MATK: variants seen among roughly 807,000 people sequenced by gnomAD.
The protein encoded by MATK is megakaryocyte-associated tyrosine kinase.
Under a neutral mutation model 59.8 loss-of-function variants are expected in MATK, and 41 were observed. That is an observed-to-expected ratio of 0.69 (90% confidence interval 0.53 to 0.89). The LOEUF is 0.89. Ranked by LOEUF, MATK falls within the 40% of genes least tolerant of loss-of-function variation. The probability of loss-of-function intolerance (pLI) is 0.00; values close to 1 mark genes in which losing one functional copy is unlikely to be tolerated. For synonymous variants in MATK, 308 were observed against 306.1 expected, an observed-to-expected ratio of 1.01 and a Z score of -0.06; for missense variants, 593 against 719.6, an observed-to-expected ratio of 0.82 and a Z score of 2.01.
chr19:3,800,220 A>C (rs1395997316), intron 1 of MATK, among the ~76,000 whole-genome samples: 1 of 152,216 alleles, frequency 6.6e-6, no homozygotes. Context: ...TAAATTAGAT[A>C]ATAAGCACAC....
intron 1 of MATK, among the ~76,000 whole-genome samples, chr19:3,795,910 C>T (rs1043460064): frequency 4.0e-5 from 6 of 151,662 alleles, no homozygotes; most frequent in Middle Eastern, 3.4e-3. Context: ...TACAGGCACG[C>T]GCCATCACGC....
intron 1 of MATK, among the ~76,000 whole-genome samples, chr19:3,798,677 ATTT>A (rs36103363): frequency 1.4e-5 from 2 of 144,488 alleles, no homozygotes; most frequent in African/African-American, 5.1e-5. Context: ...AGCCTGGCTA[ATTT>A]TTTTTTTTTT....
upstream of MATK, chr19:3,786,419 TCCCCG>T: frequency 1.0e-6 from 1 of 955,144 alleles, no homozygotes. This position sits in a 1 kb window ranked among gnomAD's most constrained non-coding sequence, Gnocchi z 4.1. Context: ...CGCCGGCCCC[TCCCCG>T]CCCCGCCTCC....
rs1359638320 is a variant in MATK at position 3,778,258 on chromosome 19, G to A, written c.1449C>T (p.Arg483=). Residue 483 remains arginine (R), a synonymous_variant, in exon 14 of 14, where the codon CGC becomes CGT. Transcript: ENST00000310132. ...KLAEKLAREL[R]SAGAPASVSG... ...AGACGGAGGCTGGGGCACCTGCACT[G>A]CGTAGCTCCCGGGCCAGCTTCTCGG... is the stretch of plus-strand genomic sequence containing the variant. 1 of 1,575,764 alleles carries A rather than the reference G, an allele frequency of 6.3e-7. No individual in the cohort carries two copies. The highest frequency in any genetic ancestry group is 8.6e-7 in the Non-Finnish European group (1 of 1,168,692).
At chr19:3,779,884 G>A (rs866874739) in intron 8 of MATK, 87 bp from the exon 9 acceptor site, 69 of 818,906 alleles carry the variant, frequency 8.4e-5, no homozygotes, top group African/African-American at 6.7e-4. Context: ...CGCTCACACC[G>A]GTGCCCATGT....
intron 1 of MATK, among the ~76,000 whole-genome samples, chr19:3,791,590 G>A (rs992484289): frequency 9.9e-5 from 15 of 151,762 alleles, no homozygotes; most frequent in Admixed American, 3.3e-4. Flanking sequence ...CGATCTGCCC[G>A]CCTCGGCATC....
chr19:3,794,526 A>G (rs2037574446), intron 1 of MATK, among the ~76,000 whole-genome samples: 1 of 152,002 alleles, frequency 6.6e-6, no homozygotes, highest in Non-Finnish European at 1.5e-5. Flanking sequence ...GTGGTGGTGT[A>G]TGCCTGTAGT....
chr19:3,778,321 C>T lies in MATK; in HGVS notation c.1386G>A (p.Glu462=). The change falls in exon 14 of 14, where the codon GAG becomes GAA. Residue 462 remains glutamate (E), a synonymous_variant. Coordinates refer to ENST00000310132, the MANE Select transcript of MATK (RefSeq NM_139355.3). ...PVHVLMSSCW[E]AEPARRPPFR... ...AGGGTGGCCGGCGGGCGGGCTCTGC[C>T]TCCCAGCAGCTGCTCATGAGGACGT... The T allele has an allele frequency of 6.3e-7, 1 of 1,576,932 alleles. No individual in the cohort carries two copies. Among genetic ancestry groups the T allele is most frequent in the African/African-American group, 1.4e-5 (1 of 73,012 alleles).
chr19:3,789,160 C>T (rs2037517315), upstream of MATK: 2 of 608,740 alleles, frequency 3.3e-6, no homozygotes, highest in Non-Finnish European at 3.1e-6. Context: ...GTCCTTCTGT[C>T]ACAGTCACTG....
At chr19:3,786,447 G>A (rs1278761906), upstream of MATK, 3 of 966,698 alleles carry the variant, frequency 3.1e-6, no homozygotes, top group Non-Finnish European at 2.5e-6. This position sits in a 1 kb window ranked among gnomAD's most constrained non-coding sequence, Gnocchi z 4.1. Flanking sequence ...GGCCCCCGGC[G>A]CCTCCCGCGC....
chr19:3,801,283 T>TC (rs923436665), intron 1 of MATK, among the ~76,000 whole-genome samples: 14 of 152,002 alleles, frequency 9.2e-5, no homozygotes, highest in Non-Finnish European at 1.8e-4. Flanking sequence ...TAGGGAGGCA[T>TC]CCCGGGACAA....
In MATK at chr19:3,786,287, C is replaced by T. The variant is rs2037482993; in HGVS notation, c.-270G>A. On this transcript the variant is annotated 5_prime_UTR_variant, in exon 1 of 14. Coordinates refer to ENST00000310132, the MANE Select transcript of MATK (RefSeq NM_139355.3). The surrounding 1 kb of genome is among the most constrained non-coding windows in gnomAD (Gnocchi z 4.1). ...CAACTTGGAGCGAGTTGCTCCGTTT[C>T]CTCATTTTGGGGGCGAAGAAGGGTC... 4.1e-6 allele frequency: 4 copies of T among 985,018 alleles called. No individual in the cohort carries two copies. The highest frequency in any genetic ancestry group is 1.1e-4 in the East Asian group (1 of 8,806). The allele number at this position is 985,018 out of a possible 1,614,324, so 61.0% of individuals were successfully genotyped here.
chr19:3,784,980 G>T, intron 2 of MATK, 84 bp downstream of exon 2: 1 of 1,473,732 alleles, frequency 6.8e-7, no homozygotes, highest in Non-Finnish European at 9.5e-7. Flanking sequence ...CGATGGCTGG[G>T]CAGGCAGAGA....
In MATK at chr19:3,779,604, C is replaced by T. The variant is rs751873691; in HGVS notation, c.856G>A (p.Glu286Lys). ...ETAVMTKMQH[E>K]NLVRLLGVIL... ...ACGCCCAGGAGACGCACCAGGTTCT[C>T]GTGTTGCATCTTCCTGGGGGCGGTG... Residue 286 changes from glutamate (E) to lysine (K), a missense_variant, in exon 10 of 14, where the codon GAG (glutamate) becomes AAG (lysine). Coordinates refer to ENST00000310132, the MANE Select transcript of MATK (RefSeq NM_139355.3). 21 of 1,611,796 alleles carry T rather than the reference C, an allele frequency of 1.3e-5. No homozygotes were observed. The Admixed American group carries it at 2.3e-4, about 18-fold the overall frequency.
At chr19:3,791,287 C>G (rs1254402596), upstream of MATK, among the ~76,000 whole-genome samples, 1 of 152,024 alleles carries the variant, frequency 6.6e-6, no homozygotes, top group Non-Finnish European at 1.5e-5. Flanking sequence ...TCAGGCGGCA[C>G]CAGGCTTCTG....
At chr19:3,796,307 T>A (rs2037594070) in intron 1 of MATK, among the ~76,000 whole-genome samples, 1 of 152,132 alleles carries the variant, frequency 6.6e-6, no homozygotes, top group Admixed American at 6.6e-5. Context: ...TTTTCAGGTA[T>A]TTACCTCCAT....
chr19:3,788,550 C>T (rs988940671), upstream of MATK, among the ~76,000 whole-genome samples: 5 of 137,472 alleles, frequency 3.6e-5, no homozygotes, highest in South Asian at 4.8e-4. Flanking sequence ...ACCTGGGAGG[C>T]GGAGGTTGCA....
intron 3 of MATK, 51 bp downstream of exon 3, chr19:3,784,774 G>T: frequency 1.5e-6 from 2 of 1,363,164 alleles, no homozygotes; most frequent in East Asian, 2.5e-5. Context: ...GGGTGTGGAC[G>T]GAGTTGAAGA....
At chr19:3,785,916 G>C (rs2037476554) in intron 1 of MATK, 1 of 152,482 alleles carries the variant, frequency 6.6e-6, no homozygotes, top group African/African-American at 2.4e-5. Flanking sequence ...TGGACGCGCG[G>C]GTACACACGC....
Sources: gnomAD v4.1 joint callset for allele counts (sites outside exome capture counted in the v4.1 genomes callset) on GRCh38, gnomAD v4.1.1 for gene constraint, Gnocchi (gnomAD v3.1) non-coding constraint, MANE v1.5 for transcripts, NCBI Gene and HGNC (gene_info 2026-07-23, HGNC 2026-07-21) for gene names.